SDK1: variants seen among roughly 807,000 people sequenced by gnomAD.
SDK1 encodes the protein sidekick cell adhesion molecule 1, also known as protein sidekick-1.
Under a neutral mutation model 245.5 loss-of-function variants are expected in SDK1, and 157 were observed. The observed-to-expected ratio is 0.64, with a 90% confidence interval of 0.56 to 0.73. SDK1 has a LOEUF of 0.73. Among genes scored for constraint, SDK1 ranks in the 30% least tolerant of loss-of-function variants. The probability of loss-of-function intolerance (pLI) is 0.00; values close to 1 mark genes in which losing one functional copy is unlikely to be tolerated. For missense variants in SDK1, 3,583 were observed against 3,002.3 expected, an observed-to-expected ratio of 1.19 and a Z score of -4.52; for synonymous variants, 1,647 against 1,278.5, an observed-to-expected ratio of 1.29 and a Z score of -6.15.
At chr7:3,756,574 A>G (rs1302384055) in intron 4 of SDK1, among the ~76,000 whole-genome samples, 1 of 151,760 alleles carries the variant, frequency 6.6e-6, no homozygotes, top group African/African-American at 2.4e-5. Flanking sequence ...TTTAAAGAAA[A>G]TGCTCAACTT....
At chr7:3,510,059 T>A (rs1433523818) in intron 1 of SDK1, among the ~76,000 whole-genome samples, 1 of 152,200 alleles carries the variant, frequency 6.6e-6, no homozygotes, top group Non-Finnish European at 1.5e-5. Context: ...GACTTAGAAC[T>A]GGGAGGGGGC....
intron 4 of SDK1, among the ~76,000 whole-genome samples, chr7:3,658,715 A>G (rs1294865741): frequency 1.3e-5 from 2 of 151,352 alleles, no homozygotes; most frequent in East Asian, 1.9e-4. Context: ...CCCAGGTTCA[A>G]GAAATCCTCA....
At chr7:3,748,219 T>C (rs1307411413) in intron 4 of SDK1, among the ~76,000 whole-genome samples, 1 of 152,212 alleles carries the variant, frequency 6.6e-6, no homozygotes. Context: ...ATGATGTATC[T>C]AACATACACT....
At chr7:3,773,558 TA>T (rs534704048) in intron 4 of SDK1, among the ~76,000 whole-genome samples, 1 of 152,220 alleles carries the variant, frequency 6.6e-6, no homozygotes, top group South Asian at 2.1e-4. Context: ...ACTGTTGTTT[TA>T]TTTTTTTTCT....
intron 1 of SDK1, among the ~76,000 whole-genome samples, chr7:3,410,299 T>A (rs1779165335): frequency 6.6e-6 from 1 of 151,938 alleles, no homozygotes; most frequent in African/African-American, 2.4e-5. Context: ...ATTAAAAATA[T>A]ATAAAGTTAG....
intron 25 of SDK1, among the ~76,000 whole-genome samples, chr7:4,125,209 G>GGGT (rs1784311694): frequency 6.6e-6 from 1 of 151,386 alleles, no homozygotes; most frequent in Non-Finnish European, 1.5e-5. Flanking sequence ...ATGGATGGAT[G>GGGT]GATGGGTAGA....
At chr7:3,885,064 T>A (rs1189741150) in intron 5 of SDK1, among the ~76,000 whole-genome samples, 4 of 144,036 alleles carry the variant, frequency 2.8e-5, no homozygotes, top group Non-Finnish European at 4.6e-5. Context: ...CAATAGCCCC[T>A]GGGGACTATG....
At chr7:3,426,019 A>G (rs958636705) in intron 1 of SDK1, among the ~76,000 whole-genome samples, 1 of 152,264 alleles carries the variant, frequency 6.6e-6, no homozygotes, top group Non-Finnish European at 1.5e-5. Context: ...GGATTATAAA[A>G]TACATAAAAT....
chr7:3,606,509 C>A (rs1187101541), intron 1 of SDK1, among the ~76,000 whole-genome samples: 1 of 152,120 alleles, frequency 6.6e-6, no homozygotes, highest in Non-Finnish European at 1.5e-5. Flanking sequence ...TTACTTTTTA[C>A]CCTCATCTGT....
intron 4 of SDK1, among the ~76,000 whole-genome samples, chr7:3,796,076 T>C (rs2115029176): frequency 6.6e-6 from 1 of 152,356 alleles, no homozygotes; most frequent in East Asian, 1.9e-4. Flanking sequence ...TTCTCTTTCT[T>C]TGGCTCTCTT....
Position 4,258,200 on chromosome 7 carries a change from T to G in SDK1, c.6382-6924T>G, listed in dbSNP as rs189848320. Among the ~76,000 whole-genome samples, 13 of 152,318 alleles carry G rather than the reference T, an allele frequency of 8.5e-5. No individual in the cohort carries two copies. In the East Asian group the frequency reaches 2.3e-3, roughly 27 times the overall value. Reference sequence around the variant, plus strand: ...AACACGCAGATGGGTGTGGGCCATGTGCTACACTCATTCTCTAAGCAGTTC... The same window carrying G: ...AACACGCAGATGGGTGTGGGCCATGGGCTACACTCATTCTCTAAGCAGTTC... On this transcript the variant is annotated intron_variant, in intron 44 of 44. Transcript: ENST00000404826.
chr7:3,591,529 C>G (rs1369158942), intron 1 of SDK1, among the ~76,000 whole-genome samples: 7 of 152,250 alleles, frequency 4.6e-5, no homozygotes, highest in African/African-American at 1.7e-4. Flanking sequence ...TGGCTGTTCA[C>G]ATTGACATTC....
intron 1 of SDK1, among the ~76,000 whole-genome samples, chr7:3,428,136 T>A (rs1193715779): frequency 1.3e-5 from 2 of 152,236 alleles, no homozygotes; most frequent in African/African-American, 4.8e-5. Flanking sequence ...CCAACTCAGA[T>A]GCACAGTGAC....
intron 19 of SDK1, among the ~76,000 whole-genome samples, chr7:4,057,579 C>A (rs1779281267): frequency 6.6e-6 from 1 of 152,196 alleles, no homozygotes; most frequent in African/African-American, 2.4e-5. Flanking sequence ...TGGCCCCCTG[C>A]AGCCATTGCC....
chr7:3,500,516 A>G (rs983544358), intron 1 of SDK1, among the ~76,000 whole-genome samples: 3 of 152,172 alleles, frequency 2.0e-5, no homozygotes, highest in Non-Finnish European at 2.9e-5. Flanking sequence ...GTTAAGAGTC[A>G]TTCTGCTTTC....
At chr7:3,996,675 T>C (rs746909327) in intron 14 of SDK1, among the ~76,000 whole-genome samples, 1 of 152,214 alleles carries the variant, frequency 6.6e-6, no homozygotes, top group Non-Finnish European at 1.5e-5. Flanking sequence ...AAACCACTGA[T>C]GTTTAGATAT....
intron 44 of SDK1, among the ~76,000 whole-genome samples, chr7:4,247,619 G>T (rs4723528): frequency 6.6e-6 from 1 of 152,146 alleles, no homozygotes; most frequent in Admixed American, 6.5e-5. Context: ...CTGCCGGGCC[G>T]CTGCTCTTTC....
intron 25 of SDK1, among the ~76,000 whole-genome samples, chr7:4,126,199 T>TA (rs1413077429): frequency 1.3e-5 from 2 of 152,216 alleles, no homozygotes; most frequent in Non-Finnish European, 2.9e-5. Context: ...CCCTGACTGC[T>TA]AGGGGCTAGC....
In SDK1 at chr7:3,957,800, T is replaced by G. The variant is rs190718719; in HGVS notation, c.1151-1131T>G. Among the ~76,000 whole-genome samples, 253 of 152,346 alleles carry G rather than the reference T, an allele frequency of 1.7e-3. 1 individual carries two copies. Among genetic ancestry groups the G allele is most frequent in the African/African-American group, 5.9e-3 (247 of 41,576 alleles). ...GGTAGACATTAAATGCTGGCAATAT[T>G]TCTTCAGGCTTGGTCTGTACACATG... is the stretch of plus-strand genomic sequence containing the variant. On this transcript the variant is annotated intron_variant, in intron 7 of 44. Coordinates refer to ENST00000404826, the MANE Select transcript of SDK1 (RefSeq NM_152744.4).
Sources: gnomAD v4.1 joint callset for allele counts (sites outside exome capture counted in the v4.1 genomes callset) on GRCh38, gnomAD v4.1.1 for gene constraint, MANE v1.5 for transcripts, NCBI Gene and HGNC (gene_info 2026-07-23, HGNC 2026-07-21) for gene names.